The following GSE1 variants were observed in gnomAD, a reference collection of about 807,000 sequenced individuals.
GSE1 encodes Gse1 coiled-coil protein, also known as genetic suppressor element 1.
GSE1 carries 32 observed loss-of-function variants against 112.6 expected under a neutral mutation model. That is an observed-to-expected ratio of 0.28 (90% CI 0.21 to 0.38). The LOEUF is 0.38. Ranked by LOEUF, GSE1 falls within the 10% of genes least tolerant of loss-of-function variation. GSE1 has a pLI of 1.00. For synonymous variants in GSE1, 1,115 were observed against 735.6 expected (o/e 1.52, Z -8.35); for missense variants, 2,348 against 1,699.2 (o/e 1.38, Z -6.71).
chr16:85,237,374 C>G (rs1007893033), intron 1 of GSE1, among the ~76,000 whole-genome samples: 1 of 152,068 alleles, frequency 6.6e-6, no homozygotes, highest in African/African-American at 2.4e-5. Flanking sequence ...CATTAGAGCC[C>G]TACACCTGGT....
At chr16:85,218,391 T>G (rs1191486435) in intron 1 of GSE1, among the ~76,000 whole-genome samples, 1 of 152,196 alleles carries the variant, frequency 6.6e-6, no homozygotes, top group Non-Finnish European at 1.5e-5. Context: ...CAGTGCATAT[T>G]CTCAGCTCCT....
intron 1 of GSE1, among the ~76,000 whole-genome samples, chr16:85,246,910 A>G (rs1905912238): frequency 6.6e-6 from 1 of 152,008 alleles, no homozygotes. Context: ...AGCTTGGTAG[A>G]GGGGCTAGGT....
chr16:85,503,508 C>T (rs1040902721), intron 2 of GSE1, among the ~76,000 whole-genome samples: 2 of 152,286 alleles, frequency 1.3e-5, no homozygotes, highest in Non-Finnish European at 2.9e-5. Context: ...CTGTGAGACA[C>T]GGCGAGGGGA....
intron 2 of GSE1, among the ~76,000 whole-genome samples, chr16:85,636,550 C>T (rs990067894): frequency 6.6e-6 from 1 of 152,216 alleles, no homozygotes; most frequent in African/African-American, 2.4e-5. Flanking sequence ...CTCACGTTTC[C>T]CCGTCCATGG....
Position 85,218,834 on chromosome 16 carries a change from C to G in GSE1, c.2283+47027C>G, listed in dbSNP as rs117579928. Among the ~76,000 whole-genome samples the G allele has an allele frequency of 2.0e-4, 30 of 152,270 alleles. No individual in the cohort carries two copies. The East Asian group carries it at 4.6e-3, about 24-fold the overall frequency. On this transcript the variant is annotated intron_variant, in intron 1 of 2. Coordinates refer to the GSE1 transcript ENST00000637419. ...ATATTTTTTATAAGAACCAAATGAC[C>G]GATTGAATGTCACATGTCCTTCCTA...
At chr16:85,232,186 G>C (rs967033293) in intron 1 of GSE1, among the ~76,000 whole-genome samples, 28 of 152,230 alleles carry the variant, frequency 1.8e-4, no homozygotes, top group African/African-American at 6.5e-4. Context: ...AGCGAGCCAA[G>C]CATTTTTATG....
At chr16:85,404,320 T>G (rs1318468418) in intron 2 of GSE1, among the ~76,000 whole-genome samples, 12 of 76,932 alleles carry the variant, frequency 1.6e-4, no homozygotes, top group Admixed American at 1.3e-3. Context: ...TCCTCACTCT[T>G]ACACTCAGGG....
intron 1 of GSE1, among the ~76,000 whole-genome samples, chr16:85,633,159 T>A (rs1456328326): frequency 6.6e-6 from 1 of 152,178 alleles, no homozygotes; most frequent in Non-Finnish European, 1.5e-5. Context: ...TTTTAGCATC[T>A]CCGGGCAGAC....
At chr16:85,230,970 C>T (rs1033047519) in intron 1 of GSE1, among the ~76,000 whole-genome samples, 6 of 147,130 alleles carry the variant, frequency 4.1e-5, no homozygotes, top group African/African-American at 7.6e-5. Context: ...GATGGATGGA[C>T]GGACGGACGG....
chr16:85,493,570 A>T (rs929065932), intron 2 of GSE1, among the ~76,000 whole-genome samples: 9 of 152,050 alleles, frequency 5.9e-5, no homozygotes, highest in African/African-American at 1.9e-4. Flanking sequence ...CCTGACCAAC[A>T]TGGAGAAACC....
At chr16:85,197,867 C>T (rs548235783) in intron 1 of GSE1, among the ~76,000 whole-genome samples, 1 of 152,324 alleles carries the variant, frequency 6.6e-6, no homozygotes, top group Non-Finnish European at 1.5e-5. Flanking sequence ...AGCCCAGGGT[C>T]CCCACGGGGC....
intron 2 of GSE1, among the ~76,000 whole-genome samples, chr16:85,408,174 C>T (rs1316605613): frequency 8.2e-5 from 3 of 36,502 alleles, no homozygotes; most frequent in African/African-American, 4.8e-4. Context: ...CCGGATAATC[C>T]TCACTGTTAC....
Position 85,633,079 on chromosome 16 carries a change from G to A in GSE1, c.8-835G>A, listed in dbSNP as rs118133333. ...AGGTCAGCCGTTGCTGCGCCAGGTCGGCCTGAACTTGGCCCTGGGAGGAAA... is the reference window on the plus strand; with the variant it reads ...AGGTCAGCCGTTGCTGCGCCAGGTCAGCCTGAACTTGGCCCTGGGAGGAAA... On this transcript the variant is annotated intron_variant, in intron 1 of 15. Coordinates refer to ENST00000253458, the MANE Select transcript of GSE1 (RefSeq NM_014615.5). 7.4e-3 allele frequency among the ~76,000 whole-genome samples: 1,121 copies of A among 152,310 alleles called. 11 individuals are homozygous for A. Among genetic ancestry groups the A allele is most frequent in the Non-Finnish European group, 0.013 (909 of 68,026 alleles).
At chr16:85,447,126 C>T (rs2049538393) in intron 2 of GSE1, among the ~76,000 whole-genome samples, 1 of 152,172 alleles carries the variant, frequency 6.6e-6, no homozygotes, top group African/African-American at 2.4e-5. Context: ...TCTGGGCCTC[C>T]GTGTCATGGG....
intron 2 of GSE1, among the ~76,000 whole-genome samples, chr16:85,637,575 G>A (rs977262378): frequency 6.6e-6 from 1 of 151,914 alleles, no homozygotes; most frequent in African/African-American, 2.4e-5. Flanking sequence ...AGCGCCTGCT[G>A]TGCCCCTGGC....
intron 1 of GSE1, among the ~76,000 whole-genome samples, chr16:85,242,588 C>T (rs1331524924): frequency 2.0e-5 from 3 of 152,208 alleles, no homozygotes; most frequent in Non-Finnish European, 4.4e-5. Context: ...CCAGGACAGC[C>T]GTGCCTGCTG....
chr16:85,665,252 ATTC>A, intron 12 of GSE1, 124 bp downstream of exon 12: 1 of 626,672 alleles, frequency 1.6e-6, no homozygotes, highest in East Asian at 2.7e-5. Flanking sequence ...GTCTTCTTCC[ATTC>A]TTGTACCAGC....
At position 85,672,857 on chromosome 16, in the gene GSE1, TTGA is replaced by T. The variant is rs1567777043; in HGVS notation, c.*320_*322del. 1 of 192,388 alleles carries T rather than the reference TTGA, an allele frequency of 5.2e-6. No homozygotes were observed. Among genetic ancestry groups the T allele is most frequent in the Admixed American group, 5.5e-5 (1 of 18,266 alleles). The allele number at this position is 192,388 out of a possible 1,614,324, so 11.9% of individuals were successfully genotyped here. A position where few individuals can be genotyped will look rare whatever the true frequency, so the allele number is the denominator to read the frequency against. ...AAGGCTCCATTAGCAACACTAAAAC[TTGA>T]TCATTAACAGCCCCCTGTGCATATG... On this transcript the variant is annotated 3_prime_UTR_variant, in exon 16 of 16. Coordinates refer to ENST00000253458, the MANE Select transcript of GSE1 (RefSeq NM_014615.5).
At chr16:85,362,831 CTTTTT>C (rs67922655) in intron 2 of GSE1, among the ~76,000 whole-genome samples, 1 of 103,476 alleles carries the variant, frequency 9.7e-6, no homozygotes, top group African/African-American at 3.8e-5. Flanking sequence ...TTATTGATAT[CTTTTT>C]TTTTTTTTTT....
Sources: gnomAD v4.1 joint callset for allele counts (sites outside exome capture counted in the v4.1 genomes callset) on GRCh38, gnomAD v4.1.1 for gene constraint, MANE v1.5 for transcripts, NCBI Gene and HGNC (gene_info 2026-07-23, HGNC 2026-07-21) for gene names.